Variants in BTG4 observed in about 807,000 individuals in gnomAD.
The protein encoded by BTG4 is BTG anti-proliferation factor 4, also known as protein BTG4.
BTG4 carries 10 observed loss-of-function variants against 19.3 expected under a neutral mutation model. The observed-to-expected ratio is 0.52, with a 90% CI of 0.32 to 0.88. BTG4 has a LOEUF of 0.88. Among genes scored for constraint, BTG4 ranks in the 40% least tolerant of loss-of-function variants. The pLI, the probability that BTG4 is intolerant of heterozygous loss-of-function variation, is 0.04. For missense variants in BTG4, 238 were observed against 281.9 expected, an observed-to-expected ratio of 0.84 and a Z score of 1.11; for synonymous variants, 91 against 95.7, an observed-to-expected ratio of 0.95 and a Z score of 0.29.
At chr11:111,446,682 TCTC>T in the BTG4 span, among the ~76,000 whole-genome samples, 18 of 151,408 alleles carry the variant, frequency 1.2e-4, no homozygotes, top group Non-Finnish European at 2.2e-4. Flanking sequence ...CATTTCCTCT[TCTC>T]CTTCCACTGG....
intron 1 of BTG4, among the ~76,000 whole-genome samples, chr11:111,509,365 T>C (rs1866690532): frequency 6.6e-6 from 1 of 152,196 alleles, no homozygotes; most frequent in Admixed American, 6.5e-5. Context: ...GATATGGTTT[T>C]ATATTTCCTA....
chr11:111,455,940 C>T, the BTG4 span: 1 of 405,474 alleles, frequency 2.5e-6, no homozygotes, highest in Admixed American at 2.5e-5. Flanking sequence ...ATCAGGGCAA[C>T]TAGCCCTGTA....
chr11:111,421,106 C>G, the BTG4 span, among the ~76,000 whole-genome samples: 1 of 152,188 alleles, frequency 6.6e-6, no homozygotes, highest in Non-Finnish European at 1.5e-5. Flanking sequence ...AATCAAGGAA[C>G]CAAGGTCCCA....
the BTG4 span, among the ~76,000 whole-genome samples, chr11:111,406,571 T>C: frequency 6.6e-6 from 1 of 152,340 alleles, no homozygotes; most frequent in South Asian, 2.1e-4. Context: ...TTGTACACTA[T>C]AGGCACTATT....
At chr11:111,429,938 GTT>G in the BTG4 span, among the ~76,000 whole-genome samples, 3 of 124,254 alleles carry the variant, frequency 2.4e-5, no homozygotes, top group Non-Finnish European at 5.2e-5. Flanking sequence ...TGTTGTTGGT[GTT>G]TTTTGTTTTG....
chr11:111,389,530 G>A, the BTG4 span, among the ~76,000 whole-genome samples: 2 of 152,276 alleles, frequency 1.3e-5, no homozygotes, highest in East Asian at 3.9e-4. Flanking sequence ...CTGACATTCA[G>A]TCAATACCTG....
chr11:111,428,072 G>T, the BTG4 span, among the ~76,000 whole-genome samples: 6 of 152,150 alleles, frequency 3.9e-5, no homozygotes, highest in Non-Finnish European at 7.3e-5. Context: ...ACTAATGGCC[G>T]TATTTTCCTC....
chr11:111,470,198 C>T (rs760748477), intron 5 of BTG4, among the ~76,000 whole-genome samples: 12 of 152,112 alleles, frequency 7.9e-5, no homozygotes, highest in Non-Finnish European at 1.6e-4. Flanking sequence ...TGAGCTTAAG[C>T]GATCCTCCCA....
the BTG4 span, chr11:111,449,213 C>T: frequency 6.6e-6 from 1 of 152,296 alleles, no homozygotes; most frequent in Non-Finnish European, 1.5e-5. Flanking sequence ...CGCCCCTGCC[C>T]TTGTCTTCTG....
intron 1 of BTG4, among the ~76,000 whole-genome samples, chr11:111,499,918 G>T (rs1375657918): frequency 6.6e-6 from 1 of 152,102 alleles, no homozygotes; most frequent in African/African-American, 2.4e-5. Flanking sequence ...GAGGCAGGTG[G>T]ATCACCTGAG....
the BTG4 span, chr11:111,415,812 A>G: frequency 2.0e-5 from 3 of 152,338 alleles, no homozygotes; most frequent in Non-Finnish European, 4.4e-5. Context: ...AGCCTGAGAC[A>G]GGAGGATCCT....
At chr11:111,456,680 G>A in the BTG4 span, 1 of 389,428 alleles carries the variant, frequency 2.6e-6, no homozygotes, top group East Asian at 7.4e-5. The surrounding 1 kb of genome is among the most constrained non-coding windows in gnomAD (Gnocchi z 4.2). Flanking sequence ...CCCGAGGCTG[G>A]ACACCTGGGA....
At chr11:111,455,567 A>C in the BTG4 span, 1 of 266,482 alleles carries the variant, frequency 3.8e-6, no homozygotes. Context: ...AGTTGAAAGC[A>C]CAGATGGGCT....
At chr11:111,450,958 C>T in the BTG4 span, 2 of 156,178 alleles carry the variant, frequency 1.3e-5, no homozygotes, top group Admixed American at 6.3e-5. Context: ...CTGAATCTTA[C>T]CTAGGAAAGT....
At chr11:111,440,864 G>T in the BTG4 span, among the ~76,000 whole-genome samples, 1 of 152,236 alleles carries the variant, frequency 6.6e-6, no homozygotes, top group African/African-American at 2.4e-5. Context: ...GAAGTCAGAG[G>T]TGGGTCATGG....
chr11:111,513,560 T>TG (rs1237601558), upstream of BTG4: 1 of 494,322 alleles, frequency 2.0e-6, no homozygotes, highest in South Asian at 1.5e-5. Context: ...TCAATGTGCG[T>TG]GGGGAAGAGG....
At chr11:111,389,951 A>G in the BTG4 span, among the ~76,000 whole-genome samples, 9 of 150,640 alleles carry the variant, frequency 6.0e-5, no homozygotes, top group East Asian at 1.7e-3. Flanking sequence ...AGCACTGATC[A>G]TATAGCGAGG....
intron 1 of BTG4, among the ~76,000 whole-genome samples, chr11:111,502,583 T>C (rs1478720427): frequency 3.9e-5 from 6 of 152,234 alleles, no homozygotes; most frequent in Non-Finnish European, 7.3e-5. Context: ...TAACTCCTTG[T>C]ATACTGCTGA....
At chr11:111,405,297 G>A in the BTG4 span, among the ~76,000 whole-genome samples, 1 of 150,450 alleles carries the variant, frequency 6.6e-6, no homozygotes, top group East Asian at 2.0e-4. Flanking sequence ...CCAACTACTT[G>A]GGAGGCTGAG....
Sources: allele counts gnomAD v4.1 joint callset (sites outside exome capture counted in the v4.1 genomes callset), GRCh38; gene constraint gnomAD v4.1.1; non-coding constraint Gnocchi (gnomAD v3.1); transcripts MANE v1.5; gene names NCBI Gene and HGNC (gene_info 2026-07-23, HGNC 2026-07-21).